The following RBFOX1 variants were observed in gnomAD, a reference collection of about 807,000 sequenced individuals.
The protein encoded by RBFOX1 is RNA binding fox-1 homolog 1.
RBFOX1 carries 8 observed loss-of-function variants against 57.7 expected under a neutral mutation model. The observed-to-expected ratio is 0.14, with a 90% CI of 0.08 to 0.25. RBFOX1 has a LOEUF of 0.25. Ranked by LOEUF, RBFOX1 falls within the 10% of genes least tolerant of loss-of-function variation. The pLI, the probability that RBFOX1 is intolerant of heterozygous loss-of-function variation, is 1.00. For synonymous variants in RBFOX1, 326 were observed against 222.4 expected, an observed-to-expected ratio of 1.47 and a Z score of -4.15; for missense variants, 611 against 548.5, an observed-to-expected ratio of 1.11 and a Z score of -1.14.
At chr16:5,306,477 G>T (rs2063937390) in intron 1 of RBFOX1, among the ~76,000 whole-genome samples, 1 of 152,016 alleles carries the variant, frequency 6.6e-6, no homozygotes, top group East Asian at 1.9e-4. Flanking sequence ...ATGCCAACAT[G>T]CCTGGCTAAT....
chr16:5,796,386 T>C (rs1347587), intron 3 of RBFOX1, among the ~76,000 whole-genome samples: 1 of 151,994 alleles, frequency 6.6e-6, no homozygotes, highest in Non-Finnish European at 1.5e-5. Context: ...GGACCAAATA[T>C]ATCCACAGTG....
chr16:6,406,038 A>G (rs1300282994), intron 2 of RBFOX1, among the ~76,000 whole-genome samples: 2 of 152,230 alleles, frequency 1.3e-5, no homozygotes, highest in South Asian at 2.1e-4. Flanking sequence ...GTCTCCTCTC[A>G]TTAACAGCCA....
chr16:7,520,343 G>A (rs973903966), intron 5 of RBFOX1, among the ~76,000 whole-genome samples: 4 of 152,006 alleles, frequency 2.6e-5, no homozygotes, highest in Non-Finnish European at 5.9e-5. Flanking sequence ...ACAATGTAGT[G>A]CAAAACCACC....
intron 4 of RBFOX1, among the ~76,000 whole-genome samples, chr16:7,172,599 G>GA (rs143700887): frequency 4.0e-4 from 60 of 148,994 alleles, no homozygotes; most frequent in South Asian, 3.6e-3. Context: ...TCATATTGGA[G>GA]AAAAAAAAAA....
chr16:5,507,162 C>T (rs1180945929), intron 2 of RBFOX1, among the ~76,000 whole-genome samples: 3 of 152,094 alleles, frequency 2.0e-5, no homozygotes, highest in African/African-American at 7.2e-5. Context: ...ATGAAGAAAA[C>T]AAATTCGGGT....
chr16:7,412,451 G>T (rs1568726643), intron 4 of RBFOX1, among the ~76,000 whole-genome samples: 1 of 151,332 alleles, frequency 6.6e-6, no homozygotes, highest in Non-Finnish European at 1.5e-5. Context: ...GGAAATTGTG[G>T]AGTACATGGA....
chr16:6,322,457 A>G (rs2081924398), intron 2 of RBFOX1, among the ~76,000 whole-genome samples: 3 of 152,248 alleles, frequency 2.0e-5, no homozygotes, highest in South Asian at 4.1e-4. Flanking sequence ...AGCCTTTCCT[A>G]TTCTTTTAGT....
intron 3 of RBFOX1, among the ~76,000 whole-genome samples, chr16:6,979,603 C>T (rs186957649): frequency 2.6e-5 from 4 of 152,142 alleles, no homozygotes; most frequent in Admixed American, 1.3e-4. Context: ...GGGTGTGACT[C>T]TTTCATTCAC....
chr16:6,605,500 A>T (rs2154016783), intron 2 of RBFOX1, among the ~76,000 whole-genome samples: 1 of 152,300 alleles, frequency 6.6e-6, no homozygotes, highest in Non-Finnish European at 1.5e-5. Context: ...CAAAGAGAGA[A>T]ATCAGAAATG....
chr16:7,400,649 C>CT lies in RBFOX1; in HGVS notation c.28-117496dup, dbSNP rs2098226038. 2.0e-5 allele frequency among the ~76,000 whole-genome samples: 3 copies of CT among 152,154 alleles called. No individual in the cohort carries two copies. In the South Asian group the frequency reaches 6.2e-4, roughly 31 times the overall value. On this transcript the variant is annotated intron_variant, in intron 4 of 15. Transcript: ENST00000550418. ...CTTCCTAAATTTGAGTCTGCTCATT[C>CT]TTCAGCCATTTGGAGGTTTTCCACT...
intron 4 of RBFOX1, among the ~76,000 whole-genome samples, chr16:7,378,755 T>C (rs563089552): frequency 1.3e-5 from 2 of 152,272 alleles, no homozygotes; most frequent in South Asian, 2.1e-4. Context: ...CAATGGCTGA[T>C]CTAAGTACTG....
chr16:6,848,189 G>T (rs1207741888), intron 3 of RBFOX1, among the ~76,000 whole-genome samples: 1 of 151,866 alleles, frequency 6.6e-6, no homozygotes, highest in Non-Finnish European at 1.5e-5. Flanking sequence ...CCTCCTTGTG[G>T]GGTGATACAG....
intron 4 of RBFOX1, among the ~76,000 whole-genome samples, chr16:7,180,622 A>C (rs892772618): frequency 2.6e-5 from 4 of 151,864 alleles, no homozygotes; most frequent in African/African-American, 4.8e-5. Context: ...ATGGTTGCCT[A>C]TGGTGTTAGA....
At chr16:7,288,294 T>G (rs1249045093) in intron 4 of RBFOX1, among the ~76,000 whole-genome samples, 3 of 152,166 alleles carry the variant, frequency 2.0e-5, no homozygotes, top group Admixed American at 2.0e-4. Flanking sequence ...TACTTGGAAA[T>G]CCATTTAAGG....
intron 15 of RBFOX1, chr16:7,710,271 G>GTTGAATTACATTC: frequency 9.0e-7 from 1 of 1,110,000 alleles, no homozygotes; most frequent in African/African-American, 1.7e-5. Context: ...GTGTTGGAGA[G>GTTGAATTACATTC]TTGAATTACA....
intron 4 of RBFOX1, among the ~76,000 whole-genome samples, chr16:7,170,159 A>G (rs969323064): frequency 6.6e-6 from 1 of 152,230 alleles, no homozygotes; most frequent in Non-Finnish European, 1.5e-5. Context: ...CAGAACTTCA[A>G]ATTTCCAAAA....
intron 2 of RBFOX1, among the ~76,000 whole-genome samples, chr16:6,517,743 CT>C (rs1237033382): frequency 2.0e-5 from 3 of 152,296 alleles, no homozygotes; most frequent in East Asian, 3.9e-4. Flanking sequence ...TCCTCCTGCA[CT>C]TTCTGCCACA....
intron 4 of RBFOX1, among the ~76,000 whole-genome samples, chr16:7,261,930 T>C (rs1024243633): frequency 6.6e-6 from 1 of 152,196 alleles, no homozygotes; most frequent in Non-Finnish European, 1.5e-5. Flanking sequence ...TTAGAGCCTT[T>C]GCAAGTCACT....
chr16:6,303,437 C>A (rs1193474231), intron 1 of RBFOX1, among the ~76,000 whole-genome samples: 1 of 151,624 alleles, frequency 6.6e-6, no homozygotes, highest in South Asian at 2.1e-4. Context: ...TAGCTAGTTT[C>A]TTTTTCTTTA....
Sources: allele counts gnomAD v4.1 joint callset (sites outside exome capture counted in the v4.1 genomes callset), GRCh38; gene constraint gnomAD v4.1.1; transcripts MANE v1.5; gene names NCBI Gene and HGNC (gene_info 2026-07-23, HGNC 2026-07-21).